The following KANK2 variants were observed in gnomAD, a reference collection of about 807,000 sequenced individuals.
The protein encoded by KANK2 is KN motif and ankyrin repeat domains 2.
In KANK2, 41 loss-of-function variants were observed where a neutral mutation model predicts 74.6. That is an observed-to-expected ratio of 0.55 (90% CI 0.43 to 0.71). The LOEUF is 0.71. Among genes scored for constraint, KANK2 ranks in the 30% least tolerant of loss-of-function variants. The probability of loss-of-function intolerance (pLI) is 0.00; values close to 1 mark genes in which losing one functional copy is unlikely to be tolerated. For synonymous variants in KANK2, 537 were observed against 519.0 expected (o/e 1.03, Z -0.47); for missense variants, 1,148 against 1,196.4 (o/e 0.96, Z 0.60).
intron 4 of KANK2, among the ~76,000 whole-genome samples, chr19:11,179,080 C>G (rs2078435566): frequency 6.6e-6 from 1 of 152,158 alleles, no homozygotes; most frequent in East Asian, 1.9e-4. Flanking sequence ...CTTTGGGAGG[C>G]TGAGGCGGGC....
chr19:11,178,677 C>T lies in KANK2; in HGVS notation c.1293G>A (p.Gly431=), dbSNP rs2078423446. ...VPAESSSSPP[G]SEVASLTQPE... ...GCTGTGTAAGGGAGGCTACCTCGGA[C>T]CCCGGGGGTGACGAAGACGATTCGG... Residue 431 remains glycine, a synonymous_variant, in exon 5 of 13, where the codon GGG becomes GGA. Transcript: ENST00000586659. The T allele has an allele frequency of 6.5e-7, 1 of 1,543,968 alleles. No individual in the cohort carries two copies. Among genetic ancestry groups the T allele is most frequent in the South Asian group, 1.2e-5 (1 of 81,246 alleles).
intron 4 of KANK2, among the ~76,000 whole-genome samples, chr19:11,180,993 A>T (rs2078496162): frequency 6.7e-6 from 1 of 148,308 alleles, no homozygotes; most frequent in Non-Finnish European, 1.5e-5. Flanking sequence ...AGGCTGAGGC[A>T]GGACAATCGC....
At chr19:11,182,601 T>C (rs1195277440) in intron 4 of KANK2, among the ~76,000 whole-genome samples, 1 of 149,904 alleles carries the variant, frequency 6.7e-6, no homozygotes, top group Non-Finnish European at 1.5e-5. Context: ...CCCAGGACTT[T>C]GGGAGGCCAA....
chr19:11,184,431 G>C (rs1172639876), intron 4 of KANK2, among the ~76,000 whole-genome samples: 1 of 150,076 alleles, frequency 6.7e-6, no homozygotes, highest in Non-Finnish European at 1.5e-5. Context: ...GGGTGCGGTG[G>C]GGGAGTGCCG....
Position 11,170,058 on chromosome 19 carries a change from A to T in KANK2, c.2402T>A (p.Leu801His). The change falls in exon 11 of 13, where the codon CTC becomes CAC. Residue 801 changes from leucine to histidine, a missense_variant. Leu to His is a moderately conservative substitution (Grantham distance 99). Transcript: ENST00000586659. The surrounding 1 kb of genome is among the most constrained non-coding windows in gnomAD (Gnocchi z 5.2). ...LLAVPSCDIS[L>H]TDRDGSTALM... Reference sequence around the variant, plus strand: ...TGGTTGGAGACTCACGCGATCTGTGAGTGAGATGTCACAGCTGGGCACGGC... The same window carrying T: ...TGGTTGGAGACTCACGCGATCTGTGTGTGAGATGTCACAGCTGGGCACGGC... 5.0e-6 allele frequency: 8 copies of T among 1,613,610 alleles called. No individual in the cohort carries two copies. The highest frequency in any genetic ancestry group is 6.8e-6 in the Non-Finnish European group (8 of 1,179,602).
intron 4 of KANK2, among the ~76,000 whole-genome samples, chr19:11,186,085 TA>T (rs933457835): frequency 4.0e-5 from 6 of 151,364 alleles, no homozygotes; most frequent in African/African-American, 1.5e-4. Flanking sequence ...GTCAGATGGA[TA>T]AAAAAAATTA....
intron 4 of KANK2, among the ~76,000 whole-genome samples, chr19:11,183,119 C>T (rs1354895943): frequency 6.6e-6 from 1 of 152,164 alleles, no homozygotes; most frequent in East Asian, 1.9e-4. Context: ...GACAATTCTA[C>T]AAAACAAGAG....
Sources: allele counts gnomAD v4.1 joint callset (sites outside exome capture counted in the v4.1 genomes callset), GRCh38; gene constraint gnomAD v4.1.1; non-coding constraint Gnocchi (gnomAD v3.1); transcripts MANE v1.5; gene names NCBI Gene and HGNC (gene_info 2026-07-23, HGNC 2026-07-21).